XRN2: variants seen among roughly 807,000 people sequenced by gnomAD.
The protein encoded by XRN2 is DHM1-like protein.
In XRN2, 44 loss-of-function variants were observed where a neutral mutation model predicts 138.5. The ratio of observed to expected loss-of-function variants is 0.32; its 90% CI spans 0.25 to 0.41. The LOEUF (loss-of-function observed/expected upper bound fraction) is 0.41. XRN2 is among the 10% of genes least tolerant of loss of function. XRN2 has a pLI of 1.00. For synonymous variants in XRN2, 354 were observed against 369.4 expected, an observed-to-expected ratio of 0.96 and a Z score of 0.48; for missense variants, 937 against 1,169.3, an observed-to-expected ratio of 0.80 and a Z score of 2.90.
At chr20:21,338,157 A>T (rs2038321178) in intron 13 of XRN2, among the ~76,000 whole-genome samples, 1 of 152,116 alleles carries the variant, frequency 6.6e-6, no homozygotes, top group Non-Finnish European at 1.5e-5. Flanking sequence ...TTGGAAGTGT[A>T]CCTACTAGGA....
intron 1 of XRN2, among the ~76,000 whole-genome samples, chr20:21,320,540 C>T (rs111595332): frequency 7.2e-5 from 11 of 151,772 alleles, no homozygotes; most frequent in South Asian, 2.1e-4. Flanking sequence ...ACATCGTGAT[C>T]GGCCTGACTT....
At chr20:21,388,039 G>A (rs1265253450) in intron 29 of XRN2, among the ~76,000 whole-genome samples, 1 of 152,228 alleles carries the variant, frequency 6.6e-6, no homozygotes, top group Non-Finnish European at 1.5e-5. Context: ...TCGTGTCAGT[G>A]AACTAAGGCT....
At chr20:21,335,395 G>T (rs2038272010) in intron 13 of XRN2, among the ~76,000 whole-genome samples, 1 of 152,192 alleles carries the variant, frequency 6.6e-6, no homozygotes, top group African/African-American at 2.4e-5. Context: ...ATTGCTTCAT[G>T]ATCTCCCAGC....
chr20:21,325,790 A>G (rs1466014661), intron 1 of XRN2, among the ~76,000 whole-genome samples: 1 of 152,190 alleles, frequency 6.6e-6, no homozygotes, highest in Non-Finnish European at 1.5e-5. Flanking sequence ...TAGAAAGAGA[A>G]CTCTGACAAT....
intron 29 of XRN2, 62 bp downstream of exon 29, chr20:21,387,068 C>T: frequency 6.5e-7 from 1 of 1,546,650 alleles, no homozygotes; most frequent in South Asian, 1.2e-5. Flanking sequence ...CCTCACAGGA[C>T]TCCGTATTTT....
chr20:21,378,322 G>A (rs908896149), intron 27 of XRN2, among the ~76,000 whole-genome samples: 7 of 152,134 alleles, frequency 4.6e-5, no homozygotes, highest in African/African-American at 1.7e-4. Flanking sequence ...TGATTAAGCA[G>A]CACAAAATCA....
At chr20:21,323,735 T>C (rs2038080840) in intron 1 of XRN2, among the ~76,000 whole-genome samples, 2 of 152,214 alleles carry the variant, frequency 1.3e-5, no homozygotes, top group South Asian at 2.1e-4. Flanking sequence ...GAAATTCTCA[T>C]GTAGCTCCAC....
intron 1 of XRN2, among the ~76,000 whole-genome samples, chr20:21,321,396 T>C (rs1381402952): frequency 6.7e-6 from 1 of 149,116 alleles, no homozygotes; most frequent in Non-Finnish European, 1.5e-5. Context: ...AGTGGCACAA[T>C]CAGCTCACTG....
intron 1 of XRN2, among the ~76,000 whole-genome samples, chr20:21,319,326 A>C (rs1253829652): frequency 6.6e-6 from 1 of 152,112 alleles, no homozygotes; most frequent in Non-Finnish European, 1.5e-5. Flanking sequence ...ATGTTTTTAA[A>C]ATCCACTTTG....
chr20:21,335,689 G>A (rs2038277281), intron 13 of XRN2, among the ~76,000 whole-genome samples: 1 of 152,210 alleles, frequency 6.6e-6, no homozygotes, highest in Admixed American at 6.5e-5. Context: ...GGCATCCCTT[G>A]ATCTGCTGCT....
At chr20:21,336,311 T>A (rs2038292028) in intron 13 of XRN2, among the ~76,000 whole-genome samples, 1 of 151,994 alleles carries the variant, frequency 6.6e-6, no homozygotes, top group Non-Finnish European at 1.5e-5. Context: ...AATACAAAAA[T>A]TTAAGCTGGG....
intron 15 of XRN2, 58 bp from the exon 16 acceptor site, chr20:21,344,032 C>T: frequency 7.5e-7 from 1 of 1,324,754 alleles, no homozygotes; most frequent in African/African-American, 1.4e-5. Flanking sequence ...TTGGATGTAC[C>T]TTCTTATGTA....
In XRN2 at chr20:21,350,546, A is replaced by G. The variant is rs1041869556; in HGVS notation, c.1936+1085A>G. Among the ~76,000 whole-genome samples, 86 of 150,824 alleles carry G rather than the reference A, an allele frequency of 5.7e-4. 1 individual carries two copies. The highest frequency in any genetic ancestry group is 1.0e-3 in the Non-Finnish European group (70 of 67,658). On this transcript the variant is annotated intron_variant, in intron 20 of 29. Transcript: ENST00000377191. Reference sequence around the variant, plus strand: ...GTCTCAAAAAAAAAAAAAAAAAAAAAAAAAAAAGAAATATCTCTTACACAG... The same window carrying G: ...GTCTCAAAAAAAAAAAAAAAAAAAAGAAAAAAAGAAATATCTCTTACACAG...
intron 1 of XRN2, among the ~76,000 whole-genome samples, chr20:21,309,750 T>C (rs948916377): frequency 1.1e-4 from 16 of 152,156 alleles, no homozygotes; most frequent in Non-Finnish European, 2.1e-4. Flanking sequence ...TTACTTCTCT[T>C]TTGTTTTCTT....
Position 21,355,999 on chromosome 20 carries a change from C to T in XRN2, c.2021-81C>T. On this transcript the variant is annotated intron_variant, in intron 21 of 29. Transcript: ENST00000377191. The stretch of plus-strand genomic sequence containing the variant: ...TAAGTTCTTAACACTTAGATGCTTT[C>T]CCTTGTTTTATGCTCATAAAAATTG... 4.4e-6 allele frequency: 4 copies of T among 917,528 alleles called. No individual in the cohort carries two copies. The Middle Eastern group carries it at 6.9e-4, about 159-fold the overall frequency. The allele number at this position is 917,528 out of a possible 1,614,324, so 56.8% of individuals were successfully genotyped here.
rs1266552024 is a variant in XRN2, at chr20:21,343,847, G to T, written c.1411-243G>T. ...TTTTTCTTCAGAAACTTTTTTTTTT[G>T]CCCTAATAATGTTAATTGTTTTTAG... On this transcript the variant is annotated intron_variant, in intron 15 of 29. Coordinates refer to ENST00000377191, the MANE Select transcript of XRN2 (RefSeq NM_012255.5). 2.0e-4 allele frequency among the ~76,000 whole-genome samples: 29 copies of T among 147,090 alleles called. 2 individuals carry two copies. The highest frequency in any genetic ancestry group is 5.3e-4 in the African/African-American group (21 of 39,948).
rs1426339045 is a variant in XRN2 at position 21,326,415 on chromosome 20, C to T, written c.203+9C>T. 1.2e-6 allele frequency: 2 copies of T among 1,613,448 alleles called. No individual in the cohort carries two copies. The highest frequency in any genetic ancestry group is 1.7e-6 in the Non-Finnish European group (2 of 1,179,690). ...ACTCATCCTGAAGACAAGTACGTAACCCATTTTTGTCACTGATATAGCAAA... is the reference window on the plus strand; with the variant it reads ...ACTCATCCTGAAGACAAGTACGTAATCCATTTTTGTCACTGATATAGCAAA... On this transcript the variant is annotated intron_variant, in intron 2 of 29. Transcript: ENST00000377191.
chr20:21,322,312 A>G (rs143602989), intron 1 of XRN2, among the ~76,000 whole-genome samples: 2 of 152,356 alleles, frequency 1.3e-5, no homozygotes, highest in East Asian at 3.9e-4. Context: ...AAGTGTTAAA[A>G]TTGTCTTATT....
chr20:21,377,264 C>CTTTTTTGTTTTTTTTTTTTTTTTTTTTT (rs1555788239), intron 27 of XRN2, among the ~76,000 whole-genome samples: 1 of 82,782 alleles, frequency 1.2e-5, no homozygotes, highest in Non-Finnish European at 2.1e-5. Flanking sequence ...TCGGTTTTTT[C>CTTTTTTGTTTTTTTTTTTTTTTTTTTTT]TTTTTTTTTT....
Sources: gnomAD v4.1 joint callset for allele counts (sites outside exome capture counted in the v4.1 genomes callset) on GRCh38, gnomAD v4.1.1 for gene constraint, MANE v1.5 for transcripts, NCBI Gene and HGNC (gene_info 2026-07-23, HGNC 2026-07-21) for gene names.